Variants in ACP3 observed in about 807,000 individuals in gnomAD.
ACP3 encodes acid phosphatase 3.
ACP3 carries 38 observed loss-of-function variants against 45.6 expected under a neutral mutation model. The ratio of observed to expected loss-of-function variants is 0.83; its 90% CI spans 0.64 to 1.09. The LOEUF (loss-of-function observed/expected upper bound fraction) is 1.09, where lower values mean the gene tolerates loss of function less well. ACP3 is among the 50% of genes least tolerant of loss of function. ACP3 has a pLI of 0.00. For synonymous variants in ACP3, 162 were observed against 164.7 expected, an observed-to-expected ratio of 0.98 and a Z score of 0.13; for missense variants, 466 against 463.2, an observed-to-expected ratio of 1.01 and a Z score of -0.05.
intron 4 of ACP3, 178 bp downstream of exon 4, chr3:132,332,522 T>A: frequency 1.3e-6 from 1 of 746,128 alleles, no homozygotes. Context: ...TAAGAGAGAG[T>A]AGGAACCAAA....
Position 132,352,693 on chromosome 3 carries a change from C to A in ACP3, c.865-27C>A, listed in dbSNP as rs73003109. On this transcript the variant is annotated intron_variant, in intron 8 of 9. Coordinates refer to ENST00000336375, the MANE Select transcript of ACP3 (RefSeq NM_001099.5). ...CCTATTGAATGTGAATCTGAACAGG[C>A]GATAAAATTGATTTCAATCTCTGTA... The A allele has an allele frequency of 2.7e-3, 4,020 of 1,509,020 alleles. 92 individuals carry two copies. In the African/African-American group the frequency reaches 0.047, roughly 18 times the overall value. 93.5% of individuals were successfully genotyped at this position (1,509,020 alleles called of 1,614,324 possible).
intron 7 of ACP3, 26 bp downstream of exon 7, chr3:132,345,085 A>G: frequency 1.2e-6 from 2 of 1,601,318 alleles, no homozygotes; most frequent in African/African-American, 1.3e-5. Flanking sequence ...TGAGAGGAGC[A>G]TATTGGATTT....
chr3:132,332,407 C>G, intron 4 of ACP3, 63 bp downstream of exon 4: 1 of 1,584,820 alleles, frequency 6.3e-7, no homozygotes, highest in Non-Finnish European at 8.6e-7. Flanking sequence ...GCAGGCTACT[C>G]AACAGTTGTG....
At chr3:132,319,958 T>C (rs1262661591) in intron 1 of ACP3, among the ~76,000 whole-genome samples, 3 of 152,230 alleles carry the variant, frequency 2.0e-5, no homozygotes, top group Non-Finnish European at 4.4e-5. Context: ...AGGAGGAAAC[T>C]GTCCTTGGTT....
intron 5 of ACP3, 87 bp downstream of exon 5, chr3:132,337,641 C>A: frequency 1.2e-6 from 1 of 835,844 alleles, no homozygotes; most frequent in Non-Finnish European, 1.9e-6. Context: ...GAAGCTTTGG[C>A]TTCTTAAAAA....
intron 8 of ACP3, among the ~76,000 whole-genome samples, chr3:132,350,720 G>A (rs891259049): frequency 8.5e-5 from 13 of 152,312 alleles, no homozygotes; most frequent in Non-Finnish European, 1.9e-4. Context: ...GAAGGGCCAT[G>A]TTGTCCTGCT....
intron 1 of ACP3, among the ~76,000 whole-genome samples, chr3:132,319,000 A>G (rs1044755845): frequency 2.6e-5 from 4 of 152,184 alleles, no homozygotes; most frequent in South Asian, 2.1e-4. Context: ...TGGGTTTCCT[A>G]TATTCAGGGA....
At chr3:132,332,669 T>C (rs1299579341) in intron 4 of ACP3, 1 of 224,420 alleles carries the variant, frequency 4.5e-6, no homozygotes. Flanking sequence ...TCTGCCTTAA[T>C]TCCCAGGCTT....
chr3:132,337,444 T>C lies in ACP3; in HGVS notation c.457-12T>C. Reference sequence around the variant, plus strand: ...ACTCATAACAGTTTTATGATTTTTCTCTTATCCTCAGTTGCTATACCTGCC... The same window carrying C: ...ACTCATAACAGTTTTATGATTTTTCCCTTATCCTCAGTTGCTATACCTGCC... On this transcript the variant is annotated splice_polypyrimidine_tract_variant and intron_variant, in intron 4 of 9. Transcript: ENST00000336375. 3 of 1,561,218 alleles carry C rather than the reference T, an allele frequency of 1.9e-6. No homozygotes were observed. The highest frequency in any genetic ancestry group is 2.6e-6 in the Non-Finnish European group (3 of 1,139,454).
In ACP3 at chr3:132,337,551, T is replaced by C. The variant is rs373777294; in HGVS notation, c.552T>C (p.Tyr184=). The change falls in exon 5 of 10, where the codon TAT becomes TAC. Residue 184 remains tyrosine (Y), a synonymous_variant. Transcript: ENST00000336375. ...SEEFQKRLHP[Y]KDFIATLGKL... ...AATTCCAGAAGAGGCTGCACCCTTA[T>C]AAGGTTAAAAGCTAGTTTTGTTTAG... 11 of 1,596,964 alleles carry C rather than the reference T, an allele frequency of 6.9e-6. No individual in the cohort carries two copies. In the African/African-American group the frequency reaches 1.3e-4, roughly 19 times the overall value.
chr3:132,331,192 A>G (rs1937392434), intron 2 of ACP3, among the ~76,000 whole-genome samples: 1 of 152,210 alleles, frequency 6.6e-6, no homozygotes, highest in East Asian at 1.9e-4. Flanking sequence ...GAATTAATAA[A>G]CTGGGCAGAT....
chr3:132,322,951 C>T (rs1304162945), intron 1 of ACP3, among the ~76,000 whole-genome samples: 3 of 152,278 alleles, frequency 2.0e-5, no homozygotes, highest in Non-Finnish European at 1.5e-5. Context: ...TCAGTGTGCC[C>T]CTTCTTGTCC....
chr3:132,357,231 G>C lies in ACP3; in HGVS notation c.*353G>C. ...ATTTAAGGATTCTGAGATTTTGCTT[G>C]AGCAGGATTAGATAAGGCTGTTCTT... On this transcript the variant is annotated 3_prime_UTR_variant, in exon 10 of 10. Coordinates refer to ENST00000336375, the MANE Select transcript of ACP3 (RefSeq NM_001099.5). 1 of 1,003,904 alleles carries C rather than the reference G, an allele frequency of 1.0e-6. No individual in the cohort carries two copies. Among genetic ancestry groups the C allele is most frequent in the Non-Finnish European group, 1.2e-6 (1 of 842,046 alleles). 62.2% of individuals were successfully genotyped at this position (1,003,904 alleles called of 1,614,324 possible).
chr3:132,341,563 AAT>A (rs1937553136), intron 5 of ACP3, among the ~76,000 whole-genome samples: 1 of 152,186 alleles, frequency 6.6e-6, no homozygotes, highest in Non-Finnish European at 1.5e-5. Flanking sequence ...GCATTGAACT[AAT>A]AGTTTTATTT....
At chr3:132,332,546 C>A in intron 4 of ACP3, 1 of 594,990 alleles carries the variant, frequency 1.7e-6, no homozygotes, top group Non-Finnish European at 2.8e-6. Context: ...CTCTTTGGAT[C>A]TGTATGATCC....
chr3:132,331,792 C>A, intron 3 of ACP3, 59 bp downstream of exon 3: 1 of 1,402,264 alleles, frequency 7.1e-7, no homozygotes, highest in Non-Finnish European at 9.9e-7. Context: ...AATAATTCTG[C>A]ATATATAAAA....
rs553195225 is a variant in ACP3, at chr3:132,355,631, C to T, written c.969-1055C>T. Among the ~76,000 whole-genome samples, 4 of 152,180 alleles carry T rather than the reference C, an allele frequency of 2.6e-5. No homozygotes were observed. In the South Asian group the frequency reaches 8.3e-4, roughly 32 times the overall value. ...CTCCCAGGTTCAAGTGATTCTCCCGCCCCAGCCTCCCAAATAGCTGGGACT... is the reference window on the plus strand; with the variant it reads ...CTCCCAGGTTCAAGTGATTCTCCCGTCCCAGCCTCCCAAATAGCTGGGACT... On this transcript the variant is annotated intron_variant, in intron 9 of 9. Transcript: ENST00000336375.
At chr3:132,318,797 G>A (rs978519614) in intron 1 of ACP3, among the ~76,000 whole-genome samples, 1 of 152,182 alleles carries the variant, frequency 6.6e-6, no homozygotes, top group African/African-American at 2.4e-5. Flanking sequence ...ATGTGCATGA[G>A]GCAAGTTTAG....
intron 4 of ACP3, among the ~76,000 whole-genome samples, chr3:132,332,784 A>G (rs1937424361): frequency 6.6e-6 from 1 of 152,240 alleles, no homozygotes; most frequent in Non-Finnish European, 1.5e-5. Context: ...GTAGAGAAAA[A>G]AAGATTTGAG....
Sources: gnomAD v4.1 joint callset for allele counts (sites outside exome capture counted in the v4.1 genomes callset) on GRCh38, gnomAD v4.1.1 for gene constraint, MANE v1.5 for transcripts, NCBI Gene and HGNC (gene_info 2026-07-23, HGNC 2026-07-21) for gene names.